L3MBTL4: variants seen among roughly 807,000 people sequenced by gnomAD.
L3MBTL4 encodes L3MBTL histone methyl-lysine binding protein 4.
In L3MBTL4, 70 loss-of-function variants were observed where a neutral mutation model predicts 84.5. That is an observed-to-expected ratio of 0.83 (90% confidence interval 0.68 to 1.01). L3MBTL4 has a LOEUF of 1.01. Among genes scored for constraint, L3MBTL4 ranks in the 50% least tolerant of loss-of-function variants. The pLI is 0.00. For synonymous variants in L3MBTL4, 274 were observed against 259.8 expected (o/e 1.05, Z -0.52); for missense variants, 715 against 754.8 (o/e 0.95, Z 0.62).
chr18:6,379,577 T>C (rs1324989713), intron 1 of L3MBTL4, among the ~76,000 whole-genome samples: 1 of 152,214 alleles, frequency 6.6e-6, no homozygotes, highest in Non-Finnish European at 1.5e-5. Flanking sequence ...GAGATAATCA[T>C]GTGGTTTTTG....
At chr18:6,148,519 G>A (rs961713975) in intron 13 of L3MBTL4, among the ~76,000 whole-genome samples, 1 of 152,062 alleles carries the variant, frequency 6.6e-6, no homozygotes, top group African/African-American at 2.4e-5. Flanking sequence ...TCAACTTCCT[G>A]GGCTCAAATG....
intron 16 of L3MBTL4, among the ~76,000 whole-genome samples, chr18:6,008,457 A>C (rs1598421599): frequency 6.6e-6 from 1 of 152,218 alleles, no homozygotes; most frequent in African/African-American, 2.4e-5. Flanking sequence ...TGGCTTCAAC[A>C]CCACCTGAGG....
At chr18:6,183,419 T>C (rs2044572442) in intron 12 of L3MBTL4, among the ~76,000 whole-genome samples, 1 of 152,220 alleles carries the variant, frequency 6.6e-6, no homozygotes, top group Non-Finnish European at 1.5e-5. Flanking sequence ...TCACTGCTGA[T>C]GTAAAGGTCG....
At chr18:6,084,895 G>A (rs2058208446) in intron 15 of L3MBTL4, among the ~76,000 whole-genome samples, 2 of 152,172 alleles carry the variant, frequency 1.3e-5, no homozygotes, top group Admixed American at 6.5e-5. Flanking sequence ...GGTGGAGGGC[G>A]AGTGTGGGTG....
chr18:6,070,411 GA>G (rs1476008222), intron 16 of L3MBTL4, among the ~76,000 whole-genome samples: 1 of 148,276 alleles, frequency 6.7e-6, no homozygotes, highest in African/African-American at 2.5e-5. Flanking sequence ...TTTAAAGCCT[GA>G]AAAAAAATTA....
intron 12 of L3MBTL4, among the ~76,000 whole-genome samples, chr18:6,173,644 T>G (rs2044084538): frequency 6.6e-6 from 1 of 151,990 alleles, no homozygotes; most frequent in Non-Finnish European, 1.5e-5. Flanking sequence ...GCCAGGTGTG[T>G]GGTGTGCACC....
chr18:6,345,063 CAT>C (rs1435920316), intron 1 of L3MBTL4, among the ~76,000 whole-genome samples: 1 of 151,820 alleles, frequency 6.6e-6, no homozygotes, highest in Non-Finnish European at 1.5e-5. Context: ...TTGCAAGTCA[CAT>C]GTCTTATATA....
intron 1 of L3MBTL4, among the ~76,000 whole-genome samples, chr18:6,372,950 GGTT>G (rs1308884923): frequency 6.6e-6 from 1 of 152,150 alleles, no homozygotes; most frequent in African/African-American, 2.4e-5. Flanking sequence ...GACAATCAAT[GGTT>G]GTTAAGTGCT....
At chr18:6,106,549 C>A (rs2059014984) in intron 14 of L3MBTL4, among the ~76,000 whole-genome samples, 1 of 152,128 alleles carries the variant, frequency 6.6e-6, no homozygotes, top group Non-Finnish European at 1.5e-5. Context: ...AACTGGCCAT[C>A]TGGATAATTT....
chr18:5,999,617 A>C (rs2054128217), intron 16 of L3MBTL4, among the ~76,000 whole-genome samples: 1 of 152,210 alleles, frequency 6.6e-6, no homozygotes, highest in South Asian at 2.1e-4. Flanking sequence ...AAAACAAACA[A>C]CGAAGAAAAT....
rs1319874820 is a variant in L3MBTL4, at chr18:5,954,972, A to G, written c.*1248T>C. On this transcript the variant is annotated 3_prime_UTR_variant, in exon 19 of 19. Coordinates refer to ENST00000317931, the MANE Select transcript of L3MBTL4 (RefSeq NM_001330559.2). ...AATGTAAAGCTTGAGAAATTCTCCA[A>G]GCAGAATCAACTTTCTTAAACCTTA... 5 of 152,198 alleles carry G rather than the reference A, an allele frequency of 3.3e-5. No individual in the cohort carries two copies. Among genetic ancestry groups the G allele is most frequent in the Non-Finnish European group, 7.3e-5 (5 of 68,028 alleles). The allele number at this position is 152,198 out of a possible 1,614,324, so 9.4% of individuals were successfully genotyped here. A position where few individuals can be genotyped will look rare whatever the true frequency, so the allele number is the denominator to read the frequency against.
intron 16 of L3MBTL4, among the ~76,000 whole-genome samples, chr18:6,041,814 T>C (rs905238306): frequency 2.0e-5 from 3 of 152,054 alleles, no homozygotes; most frequent in African/African-American, 7.3e-5. Flanking sequence ...AGCCTGAACC[T>C]CCCAGGCTCA....
At chr18:6,171,563 G>A (rs2043971511) in intron 13 of L3MBTL4, among the ~76,000 whole-genome samples, 1 of 152,166 alleles carries the variant, frequency 6.6e-6, no homozygotes, top group South Asian at 2.1e-4. Context: ...TGCTAGCTCA[G>A]TTTTCCAAAC....
At chr18:6,093,566 A>G (rs1185280838) in intron 14 of L3MBTL4, 38 bp from the exon 15 acceptor site, 1 of 1,538,364 alleles carries the variant, frequency 6.5e-7, no homozygotes, top group Non-Finnish European at 8.7e-7. Context: ...TCATCAGTAT[A>G]CAGTGATAAA....
At chr18:6,185,316 T>C (rs2044671504) in intron 12 of L3MBTL4, among the ~76,000 whole-genome samples, 3 of 152,176 alleles carry the variant, frequency 2.0e-5, no homozygotes, top group Admixed American at 6.5e-5. Flanking sequence ...GGACCCAATA[T>C]GCTCCCTTCT....
chr18:6,349,763 G>C (rs1049441090), intron 1 of L3MBTL4, among the ~76,000 whole-genome samples: 2 of 152,064 alleles, frequency 1.3e-5, no homozygotes, highest in Admixed American at 6.6e-5. Context: ...ACTGATATAA[G>C]CTCAAGAATA....
At chr18:6,147,809 T>C (rs2144778816) in intron 13 of L3MBTL4, among the ~76,000 whole-genome samples, 1 of 152,364 alleles carries the variant, frequency 6.6e-6, no homozygotes, top group African/African-American at 2.4e-5. Context: ...TTGCTTATTA[T>C]TTTGAAATGA....
rs376876424 is a variant in L3MBTL4 at position 6,229,711 on chromosome 18, A to G, written c.784+8253T>C. Reference sequence around the variant, plus strand: ...TTCCATGTGAATATCCAGTTTTCCCAGCACCACTTGTTGAAGACTCTCTTT... The same window carrying G: ...TTCCATGTGAATATCCAGTTTTCCCGGCACCACTTGTTGAAGACTCTCTTT... On this transcript the variant is annotated intron_variant, in intron 10 of 18. Coordinates refer to ENST00000317931, the MANE Select transcript of L3MBTL4 (RefSeq NM_001330559.2). Among the ~76,000 whole-genome samples, 21 of 152,300 alleles carry G rather than the reference A, an allele frequency of 1.4e-4. 1 individual carries two copies. The South Asian group carries it at 4.4e-3, about 32-fold the overall frequency.
intron 3 of L3MBTL4, among the ~76,000 whole-genome samples, chr18:6,305,249 T>G (rs2050531056): frequency 6.6e-6 from 1 of 152,218 alleles, no homozygotes; most frequent in Non-Finnish European, 1.5e-5. Flanking sequence ...TAGGGCTAGG[T>G]GACCTAAGGT....
Sources: gnomAD v4.1 joint callset for allele counts (sites outside exome capture counted in the v4.1 genomes callset) on GRCh38, gnomAD v4.1.1 for gene constraint, MANE v1.5 for transcripts, NCBI Gene and HGNC (gene_info 2026-07-23, HGNC 2026-07-21) for gene names.